The following STARD13 variants were observed in gnomAD, a reference collection of about 807,000 sequenced individuals.
STARD13 encodes stAR-related lipid transfer protein 13.
STARD13 carries 62 observed loss-of-function variants against 106.4 expected under a neutral mutation model. The ratio of observed to expected loss-of-function variants is 0.58; its 90% CI spans 0.48 to 0.72. The LOEUF is 0.72. Ranked by LOEUF, STARD13 falls within the 30% of genes least tolerant of loss-of-function variation. The probability of loss-of-function intolerance (pLI) is 0.00; values close to 1 mark genes in which losing one functional copy is unlikely to be tolerated. For synonymous variants in STARD13, 565 were observed against 553.0 expected (o/e 1.02, Z -0.31); for missense variants, 1,387 against 1,424.0 (o/e 0.97, Z 0.42).
chr13:33,457,638 A>T, the STARD13 span, among the ~76,000 whole-genome samples: 1 of 152,220 alleles, frequency 6.6e-6, no homozygotes, highest in Non-Finnish European at 1.5e-5. Context: ...GGGAGGCTGG[A>T]AAGTCCAGGA....
chr13:33,459,229 C>G, the STARD13 span, among the ~76,000 whole-genome samples: 1 of 152,136 alleles, frequency 6.6e-6, no homozygotes, highest in African/African-American at 2.4e-5. Context: ...CCTCATGCCC[C>G]TTTTCCACCT....
At position 33,285,746 on chromosome 13, in the gene STARD13, A is replaced by G; in HGVS notation, c.-108T>C. ...CAGCCCAGGACAGCTCAACAGACCC[A>G]GCGATTTTTAAAAAGAAAGAGGAGT... On this transcript the variant is annotated 5_prime_UTR_variant, in exon 1 of 14. Coordinates refer to ENST00000336934, the MANE Select transcript of STARD13 (RefSeq NM_178006.4). 1.3e-6 allele frequency: 2 copies of G among 1,496,136 alleles called. No homozygotes were observed. Among genetic ancestry groups the G allele is most frequent in the Non-Finnish European group, 1.8e-6 (2 of 1,128,958 alleles). The allele number at this position is 1,496,136 out of a possible 1,614,324, so 92.7% of individuals were successfully genotyped here.
the STARD13 span, among the ~76,000 whole-genome samples, chr13:33,634,733 A>T: frequency 6.6e-6 from 1 of 152,100 alleles, no homozygotes; most frequent in African/African-American, 2.4e-5. Context: ...ACACACACAC[A>T]GTTTTCTTCT....
chr13:33,532,256 T>G, the STARD13 span, among the ~76,000 whole-genome samples: 2 of 152,218 alleles, frequency 1.3e-5, no homozygotes, highest in Admixed American at 6.5e-5. Flanking sequence ...TTATGTTACC[T>G]TATTTTCTTT....
chr13:33,491,742 A>G, the STARD13 span, among the ~76,000 whole-genome samples: 41 of 152,310 alleles, frequency 2.7e-4, no homozygotes, highest in East Asian at 7.5e-3. Flanking sequence ...ACCTCACACA[A>G]TGTGATGAGG....
chr13:33,669,970 C>T, the STARD13 span, among the ~76,000 whole-genome samples: 1 of 152,284 alleles, frequency 6.6e-6, no homozygotes, highest in Admixed American at 6.5e-5. Flanking sequence ...CCTGGTAGGC[C>T]AACTACTACC....
At chr13:33,571,334 A>G in the STARD13 span, among the ~76,000 whole-genome samples, 1 of 152,338 alleles carries the variant, frequency 6.6e-6, no homozygotes, top group South Asian at 2.1e-4. Context: ...CTTTCAATCC[A>G]TAAAATTAGT....
intron 1 of STARD13, among the ~76,000 whole-genome samples, chr13:33,223,356 T>C (rs1179081759): frequency 6.6e-6 from 1 of 152,100 alleles, no homozygotes; most frequent in Non-Finnish European, 1.5e-5. Flanking sequence ...ATAGGCGAAA[T>C]ACACTTAAAA....
chr13:33,547,248 C>T, the STARD13 span, among the ~76,000 whole-genome samples: 22 of 152,146 alleles, frequency 1.4e-4, no homozygotes, highest in Non-Finnish European at 2.6e-4. Flanking sequence ...ATTGTGTCAA[C>T]CCCACTGTTT....
downstream of STARD13, among the ~76,000 whole-genome samples, chr13:33,346,464 T>C (rs2078017714): frequency 6.6e-6 from 1 of 152,220 alleles, no homozygotes; most frequent in Admixed American, 6.5e-5. Context: ...TACTTCTTTT[T>C]GTCTATCTGT....
At chr13:33,468,942 G>A in the STARD13 span, among the ~76,000 whole-genome samples, 1 of 152,064 alleles carries the variant, frequency 6.6e-6, no homozygotes, top group East Asian at 1.9e-4. Flanking sequence ...GATGAAGGTA[G>A]CACCATTAGA....
At chr13:33,500,526 G>T in the STARD13 span, among the ~76,000 whole-genome samples, 1 of 151,970 alleles carries the variant, frequency 6.6e-6, no homozygotes, top group African/African-American at 2.4e-5. Context: ...CAGCCTTAAT[G>T]CACCTGAACA....
the STARD13 span, among the ~76,000 whole-genome samples, chr13:33,378,700 GA>G: frequency 4.8e-4 from 72 of 151,306 alleles, no homozygotes; most frequent in African/African-American, 1.4e-3. Flanking sequence ...TGAGGCAGGA[GA>G]ATTGCTTGAA....
chr13:33,410,196 A>T, the STARD13 span, among the ~76,000 whole-genome samples: 1 of 152,226 alleles, frequency 6.6e-6, no homozygotes, highest in Non-Finnish European at 1.5e-5. Flanking sequence ...CTTCTGATAG[A>T]TGACTAGGTT....
intron 1 of STARD13, among the ~76,000 whole-genome samples, chr13:33,222,848 G>C (rs1888430375): frequency 6.6e-6 from 1 of 152,202 alleles, no homozygotes; most frequent in Non-Finnish European, 1.5e-5. Context: ...ATGTCACAGA[G>C]AGAACAGAAG....
the STARD13 span, among the ~76,000 whole-genome samples, chr13:33,670,345 GATTAATAACTC>G: frequency 6.6e-6 from 1 of 152,190 alleles, no homozygotes; most frequent in African/African-American, 2.4e-5. Context: ...CAACTAGGCA[GATTAATAACTC>G]ATTGAACGAA....
the STARD13 span, among the ~76,000 whole-genome samples, chr13:33,369,696 A>G: frequency 6.6e-6 from 1 of 152,204 alleles, no homozygotes; most frequent in Non-Finnish European, 1.5e-5. Context: ...ACATGCACAT[A>G]TAAGTGCATT....
chr13:33,480,920 G>A, the STARD13 span, among the ~76,000 whole-genome samples: 2 of 152,264 alleles, frequency 1.3e-5, no homozygotes, highest in Non-Finnish European at 2.9e-5. Flanking sequence ...CTGGGGTCAT[G>A]TAATTTTTTA....
In STARD13 at chr13:33,242,468, C is replaced by T. The variant is rs563707792; in HGVS notation, c.169+43002G>A. The stretch of plus-strand genomic sequence containing the variant: ...ACCTTACCCTCAACCCCGTGCTCTC[C>T]GAAACATGTGCTGTGTCCACTAAGG... On this transcript the variant is annotated intron_variant, in intron 1 of 13. Transcript: ENST00000336934. 3.2e-4 allele frequency among the ~76,000 whole-genome samples: 48 copies of T among 152,226 alleles called. No individual in the cohort carries two copies. In the East Asian group the frequency reaches 5.6e-3, roughly 18 times the overall value.
Sources: allele counts gnomAD v4.1 joint callset (sites outside exome capture counted in the v4.1 genomes callset), GRCh38; gene constraint gnomAD v4.1.1; transcripts MANE v1.5; gene names NCBI Gene and HGNC (gene_info 2026-07-23, HGNC 2026-07-21).